Variants in VAV2 observed in about 807,000 individuals in gnomAD.
The protein encoded by VAV2 is guanine nucleotide exchange factor VAV2.
In VAV2, 67 loss-of-function variants were observed where a neutral mutation model predicts 132.5. The observed-to-expected ratio is 0.51, with a 90% CI of 0.42 to 0.62. VAV2 has a LOEUF of 0.62. Ranked by LOEUF, VAV2 falls within the 20% of genes least tolerant of loss-of-function variation. VAV2 has a pLI of 0.00. For synonymous variants in VAV2, 492 were observed against 443.5 expected (o/e 1.11, Z -1.37); for missense variants, 938 against 1,153.6 (o/e 0.81, Z 2.71).
rs997114837 is a variant in VAV2 at position 133,935,148 on chromosome 9, G to A, written c.321+3955C>T. 6.6e-6 allele frequency among the ~76,000 whole-genome samples: 1 copy of A among 152,134 alleles called. No individual in the cohort carries two copies. The highest frequency in any genetic ancestry group is 1.5e-5 in the Non-Finnish European group (1 of 68,016). ...GGTGGGAGGAACAGGGGGAGGGCAC[G>A]CAGCCATATCTTCATGGTCTGAGGT... On this transcript the variant is annotated intron_variant, in intron 2 of 29. Coordinates refer to ENST00000371850, the MANE Select transcript of VAV2 (RefSeq NM_001134398.2). This position sits in a 1 kb window ranked among gnomAD's most constrained non-coding sequence, Gnocchi z 5.2.
chr9:133,850,951 C>G (rs1396399376), intron 3 of VAV2, among the ~76,000 whole-genome samples: 9 of 152,258 alleles, frequency 5.9e-5, no homozygotes, highest in Admixed American at 5.9e-4. Context: ...CCATGAAGAA[C>G]AAGCCCAAAT....
intron 3 of VAV2, among the ~76,000 whole-genome samples, chr9:133,841,006 T>A (rs536655414): frequency 1.3e-5 from 2 of 152,168 alleles, no homozygotes; most frequent in African/African-American, 4.8e-5. Flanking sequence ...TTTGCTTTCT[T>A]GGAGGGCCCT....
intron 3 of VAV2, among the ~76,000 whole-genome samples, chr9:133,851,809 ATGGATGGATGG>A (rs570039312): frequency 0.014 from 2,055 of 148,540 alleles, 50 homozygotes; most frequent in African/African-American, 0.047. Flanking sequence ...AAATGGATGG[ATGGATGGATGG>A]ATGGATGGAT....
rs1836660664 is a variant in VAV2, at chr9:133,840,139, G to A, written c.381-5799C>T. ...GAGAAGGCCAACCACAGCCTATCCA[G>A]AAGTTGTCCTGAGAGCAGTCATCCT... On this transcript the variant is annotated intron_variant, in intron 3 of 29. Transcript: ENST00000371850. This position sits in a 1 kb window ranked among gnomAD's most constrained non-coding sequence, Gnocchi z 4.5. 6.6e-6 allele frequency among the ~76,000 whole-genome samples: 1 copy of A among 152,228 alleles called. No homozygotes were observed. Among genetic ancestry groups the A allele is most frequent in the African/African-American group, 2.4e-5 (1 of 41,454 alleles).
At chr9:133,866,723 T>G (rs1324146111) in intron 2 of VAV2, among the ~76,000 whole-genome samples, 1 of 151,446 alleles carries the variant, frequency 6.6e-6, no homozygotes, top group Non-Finnish European at 1.5e-5. Context: ...GGAGAATGGC[T>G]TGAACCCAGG....
chr9:133,986,897 G>A (rs192562556), intron 1 of VAV2, among the ~76,000 whole-genome samples: 4 of 152,182 alleles, frequency 2.6e-5, no homozygotes, highest in Admixed American at 6.5e-5. Context: ...GGGTCCTTGC[G>A]TGACCAGAAG....
intron 1 of VAV2, among the ~76,000 whole-genome samples, chr9:133,947,476 G>C (rs996200095): frequency 9.9e-5 from 15 of 152,086 alleles, no homozygotes; most frequent in South Asian, 6.2e-4. Flanking sequence ...AAGGCGGGTG[G>C]ATCACCTGAG....
chr9:133,921,218 C>T lies in VAV2; in HGVS notation c.321+17885G>A, dbSNP rs145849697. 2.8e-3 allele frequency among the ~76,000 whole-genome samples: 429 copies of T among 152,316 alleles called. 3 individuals are homozygous for T. Among genetic ancestry groups the T allele is most frequent in the African/African-American group, 9.8e-3 (407 of 41,572 alleles). On this transcript the variant is annotated intron_variant, in intron 2 of 29. Transcript: ENST00000371850. ...GTCCCCACCAGATGACAGCTCTGTG[C>T]GTGCCGGAGTGTGGGCTCTGCTCCC... is the stretch of plus-strand genomic sequence containing the variant.
chr9:133,794,667 C>T lies in VAV2; in HGVS notation c.1101+1001G>A, dbSNP rs1893602. On this transcript the variant is annotated intron_variant, in intron 12 of 29. Transcript: ENST00000371850. The surrounding 1 kb of genome is among the most constrained non-coding windows in gnomAD (Gnocchi z 4.6). ...GGCAGGACTGCAGCCCTGAGGGGGG[C>T]TGGCAGAGGTGTCCTGTGCTCCCGA... 0.55 allele frequency among the ~76,000 whole-genome samples: 83,736 copies of T among 151,932 alleles called. 23,512 individuals carry two copies. Among genetic ancestry groups the T allele is most frequent in the African/African-American group, 0.65 (26,801 of 41,444 alleles).
chr9:133,933,605 A>G (rs1840767840), intron 2 of VAV2, among the ~76,000 whole-genome samples: 1 of 149,238 alleles, frequency 6.7e-6, no homozygotes, highest in African/African-American at 2.5e-5. Flanking sequence ...GGATGGGTGG[A>G]AGGACGAGTA....
At chr9:133,881,168 G>C (rs1191530548) in intron 2 of VAV2, among the ~76,000 whole-genome samples, 1 of 152,260 alleles carries the variant, frequency 6.6e-6, no homozygotes, top group African/African-American at 2.4e-5. Context: ...AGGCTGCTGG[G>C]CTTCCCACCA....
chr9:133,785,893 G>A lies in VAV2; in HGVS notation c.1423-8C>T, dbSNP rs778717963. On this transcript the variant is annotated splice_region_variant and splice_polypyrimidine_tract_variant and intron_variant, in intron 16 of 29. Transcript: ENST00000371850. Reference sequence around the variant, plus strand: ...GTAGAAGCCGTAGGACCACTGCAGGGGGGAGAGGGGCCATGCTTGCAATAG... The same window carrying A: ...GTAGAAGCCGTAGGACCACTGCAGGAGGGAGAGGGGCCATGCTTGCAATAG... The A allele has an allele frequency of 6.2e-7, 1 of 1,611,646 alleles. No homozygotes were observed. Among genetic ancestry groups the A allele is most frequent in the Non-Finnish European group, 8.5e-7 (1 of 1,178,532 alleles).
rs1564385605 is a variant in VAV2, at chr9:133,828,271, AG to A, written c.449+6000del. ...CTGACCACTGAGCACGGGCATCGCCAGCTACCGCTGCGCCCACTGGGGCTGA... is the reference window on the plus strand; with the variant it reads ...CTGACCACTGAGCACGGGCATCGCCACTACCGCTGCGCCCACTGGGGCTGA... On this transcript the variant is annotated intron_variant, in intron 4 of 29. Coordinates refer to ENST00000371850, the MANE Select transcript of VAV2 (RefSeq NM_001134398.2). 7.6e-4 allele frequency among the ~76,000 whole-genome samples: 75 copies of A among 98,760 alleles called. 11 individuals are homozygous for A. Among genetic ancestry groups the A allele is most frequent in the Non-Finnish European group, 1.2e-3 (57 of 49,552 alleles). The allele number at this position is 98,760 out of a possible 152,430, so 64.8% of individuals were successfully genotyped here.
intron 2 of VAV2, among the ~76,000 whole-genome samples, chr9:133,933,762 A>G (rs963891227): frequency 6.9e-5 from 10 of 144,532 alleles, no homozygotes; most frequent in East Asian, 2.2e-4. Context: ...GGATGAATGG[A>G]TGGGTGGATG....
At chr9:133,793,971 T>C (rs1429186977) in intron 12 of VAV2, among the ~76,000 whole-genome samples, 1 of 152,020 alleles carries the variant, frequency 6.6e-6, no homozygotes, top group Non-Finnish European at 1.5e-5. Context: ...TGAGGTTCGG[T>C]GGCTCTCAGA....
At chr9:133,893,603 C>T (rs138930576) in intron 2 of VAV2, among the ~76,000 whole-genome samples, 7 of 152,324 alleles carry the variant, frequency 4.6e-5, no homozygotes, top group African/African-American at 1.4e-4. Flanking sequence ...CTTCAAGAAA[C>T]GGAGTTTGCA....
rs62576885 is a variant in VAV2, at chr9:133,935,508, G to A, written c.321+3595C>T. The stretch of plus-strand genomic sequence containing the variant: ...CCACGGCAGGGACTGCAACAAATAC[G>A]CCCCGGCCCAGCAAGAGGTCCCCAG... On this transcript the variant is annotated intron_variant, in intron 2 of 29. Coordinates refer to ENST00000371850, the MANE Select transcript of VAV2 (RefSeq NM_001134398.2). The surrounding 1 kb of genome is among the most constrained non-coding windows in gnomAD (Gnocchi z 5.2). 2.0e-5 allele frequency among the ~76,000 whole-genome samples: 3 copies of A among 152,172 alleles called. No individual in the cohort carries two copies. The highest frequency in any genetic ancestry group is 4.1e-4 in the South Asian group (2 of 4,822).
chr9:133,949,702 G>A (rs1212828349), intron 1 of VAV2, among the ~76,000 whole-genome samples: 2 of 152,190 alleles, frequency 1.3e-5, no homozygotes, highest in African/African-American at 4.8e-5. Context: ...CCGGAGGCAT[G>A]GATTCAAAAT....
At chr9:133,836,646 T>C (rs1192598188) in intron 3 of VAV2, among the ~76,000 whole-genome samples, 1 of 152,200 alleles carries the variant, frequency 6.6e-6, no homozygotes, top group South Asian at 2.1e-4. Context: ...ACTCCTGAGG[T>C]TGTGATCTTG....
Sources: allele counts gnomAD v4.1 joint callset (sites outside exome capture counted in the v4.1 genomes callset), GRCh38; gene constraint gnomAD v4.1.1; non-coding constraint Gnocchi (gnomAD v3.1); transcripts MANE v1.5; gene names NCBI Gene and HGNC (gene_info 2026-07-23, HGNC 2026-07-21).